The following NCAM2 variants were observed in gnomAD, a reference collection of about 807,000 sequenced individuals.
The protein encoded by NCAM2 is neural cell adhesion molecule 2, also known as N-CAM-2.
A neutral mutation model predicts 98.1 loss-of-function variants in NCAM2; 30 were observed. The observed-to-expected ratio is 0.31, with a 90% confidence interval of 0.23 to 0.41. NCAM2 has a LOEUF of 0.41. Among genes scored for constraint, NCAM2 ranks in the 10% least tolerant of loss-of-function variants. The pLI, the probability that NCAM2 is intolerant of heterozygous loss-of-function variation, is 1.00. For missense variants in NCAM2, 867 were observed against 1,005.8 expected, an observed-to-expected ratio of 0.86 and a Z score of 1.87; for synonymous variants, 368 against 342.4, an observed-to-expected ratio of 1.07 and a Z score of -0.83.
intron 1 of NCAM2, among the ~76,000 whole-genome samples, chr21:21,023,531 AAAAG>A (rs1313280059): frequency 6.6e-5 from 10 of 152,158 alleles, no homozygotes; most frequent in Non-Finnish European, 1.3e-4. Context: ...TAAAAAAAAA[AAAAG>A]AAGAAGAAGG....
chr21:21,478,230 T>C (rs1235121931), intron 15 of NCAM2, among the ~76,000 whole-genome samples: 1 of 152,172 alleles, frequency 6.6e-6, no homozygotes, highest in Non-Finnish European at 1.5e-5. Flanking sequence ...TTTCTACATT[T>C]ATTTTCCCTC....
chr21:21,250,122 A>T (rs2071419534), intron 1 of NCAM2, among the ~76,000 whole-genome samples: 1 of 152,366 alleles, frequency 6.6e-6, no homozygotes, highest in East Asian at 1.9e-4. Context: ...TAAAATGGAC[A>T]GGTCAACATA....
intron 9 of NCAM2, among the ~76,000 whole-genome samples, chr21:21,377,541 T>G (rs1212188591): frequency 6.6e-6 from 1 of 151,948 alleles, no homozygotes; most frequent in East Asian, 1.9e-4. Context: ...ATGTGATGCT[T>G]TTAAAAATTT....
chr21:21,391,227 T>A (rs1022573911), intron 9 of NCAM2, among the ~76,000 whole-genome samples: 1 of 152,084 alleles, frequency 6.6e-6, no homozygotes, highest in African/African-American at 2.4e-5. Flanking sequence ...TAATATTTAT[T>A]GTACAACACT....
intron 9 of NCAM2, among the ~76,000 whole-genome samples, chr21:21,406,243 G>C (rs970983931): frequency 6.6e-6 from 1 of 152,198 alleles, no homozygotes; most frequent in African/African-American, 2.4e-5. Context: ...AATGAGTAGA[G>C]TGAGAGATGG....
At chr21:21,155,152 G>C (rs2067574160) in intron 1 of NCAM2, among the ~76,000 whole-genome samples, 1 of 150,970 alleles carries the variant, frequency 6.6e-6, no homozygotes, top group Admixed American at 6.6e-5. Context: ...TGTAGGCTGG[G>C]GAGGAACTAT....
chr21:21,457,081 T>A (rs1046742255), intron 12 of NCAM2, among the ~76,000 whole-genome samples: 2 of 152,086 alleles, frequency 1.3e-5, no homozygotes, highest in South Asian at 4.2e-4. Flanking sequence ...GGGTTTAGAA[T>A]TGGGTAATGG....
intron 1 of NCAM2, among the ~76,000 whole-genome samples, chr21:21,266,326 C>T (rs372544102): frequency 2.0e-5 from 3 of 151,906 alleles, no homozygotes; most frequent in East Asian, 1.9e-4. Flanking sequence ...TGCAATGTTC[C>T]AGCCTCTGAG....
chr21:21,260,230 A>C (rs754565156), intron 1 of NCAM2, among the ~76,000 whole-genome samples: 1 of 152,002 alleles, frequency 6.6e-6, no homozygotes, highest in Non-Finnish European at 1.5e-5. Context: ...ACTTATTGGC[A>C]TTCCTGAGAT....
intron 16 of NCAM2, among the ~76,000 whole-genome samples, chr21:21,534,061 A>G (rs565738882): frequency 6.7e-4 from 102 of 152,144 alleles, no homozygotes; most frequent in African/African-American, 2.4e-3. Flanking sequence ...TGTCTTCTAA[A>G]TTTTGAAATA....
chr21:21,215,677 A>G (rs2069869187), intron 1 of NCAM2, among the ~76,000 whole-genome samples: 1 of 152,142 alleles, frequency 6.6e-6, no homozygotes, highest in South Asian at 2.1e-4. Context: ...GCAGTGAGCC[A>G]AGATCATGCC....
At chr21:21,324,530 T>C (rs757084519) in intron 6 of NCAM2, 30 bp downstream of exon 6, 7 of 1,438,834 alleles carry the variant, frequency 4.9e-6, no homozygotes, top group Non-Finnish European at 6.8e-6. Flanking sequence ...CCCTCTGGCT[T>C]GTGTCCATTA....
At chr21:21,123,168 GC>G (rs35748770) in intron 1 of NCAM2, among the ~76,000 whole-genome samples, 152,216 of 152,216 alleles carry the variant, frequency 1, 76,108 homozygotes, top group Non-Finnish European at 1. Flanking sequence ...GCTGATGTGG[GC>G]CGGATCATGA....
chr21:21,201,770 A>G (rs571903050), intron 1 of NCAM2, among the ~76,000 whole-genome samples: 1 of 152,242 alleles, frequency 6.6e-6, no homozygotes, highest in South Asian at 2.1e-4. Flanking sequence ...GTCACTCCAG[A>G]TTTTCTTTTT....
intron 1 of NCAM2, among the ~76,000 whole-genome samples, chr21:21,014,797 G>A (rs2064275418): frequency 6.6e-6 from 1 of 152,148 alleles, no homozygotes; most frequent in East Asian, 1.9e-4. Context: ...ATGGATCTGG[G>A]CAAAGTCAAT....
chr21:21,162,269 C>A (rs1188249844), intron 1 of NCAM2, among the ~76,000 whole-genome samples: 1 of 152,044 alleles, frequency 6.6e-6, no homozygotes, highest in Non-Finnish European at 1.5e-5. Context: ...AAAATAAGTT[C>A]TAAGATATGA....
At chr21:21,089,534 GA>G (rs1482191885) in intron 1 of NCAM2, among the ~76,000 whole-genome samples, 2 of 152,244 alleles carry the variant, frequency 1.3e-5, no homozygotes. Context: ...ATATTTCTCT[GA>G]ACATCTATTT....
At chr21:21,396,702 C>G (rs1439857345) in intron 9 of NCAM2, among the ~76,000 whole-genome samples, 1 of 152,154 alleles carries the variant, frequency 6.6e-6, no homozygotes, top group East Asian at 1.9e-4. Flanking sequence ...CAAGGCTGAA[C>G]CAGGTGTATC....
At chr21:21,074,702 A>G (rs2065642476) in intron 1 of NCAM2, among the ~76,000 whole-genome samples, 1 of 151,796 alleles carries the variant, frequency 6.6e-6, no homozygotes, top group African/African-American at 2.4e-5. Flanking sequence ...TAGATGGGTC[A>G]AGCTAACACT....
Sources: gnomAD v4.1 joint callset for allele counts (sites outside exome capture counted in the v4.1 genomes callset) on GRCh38, gnomAD v4.1.1 for gene constraint, MANE v1.5 for transcripts, NCBI Gene and HGNC (gene_info 2026-07-23, HGNC 2026-07-21) for gene names.